Variants in MINPP1 observed in about 807,000 individuals in gnomAD.
MINPP1 encodes multiple inositol-polyphosphate phosphatase 1.
MINPP1 carries 28 observed loss-of-function variants against 46.1 expected under a neutral mutation model. The ratio of observed to expected loss-of-function variants is 0.61; its 90% CI spans 0.45 to 0.83. The LOEUF is 0.83. Ranked by LOEUF, MINPP1 falls within the 40% of genes least tolerant of loss-of-function variation. The pLI is 0.00. For missense variants in MINPP1, 603 were observed against 610.0 expected (o/e 0.99, Z 0.12); for synonymous variants, 268 against 249.1 (o/e 1.08, Z -0.72).
intron 4 of MINPP1, among the ~76,000 whole-genome samples, chr10:87,551,693 C>T (rs530160827): frequency 4.6e-5 from 7 of 152,202 alleles, no homozygotes; most frequent in African/African-American, 1.7e-4. Context: ...TTCAAAAGAG[C>T]TCCATGGAGT....
chr10:87,527,210 G>C (rs10047390), intron 4 of MINPP1, among the ~76,000 whole-genome samples: 112,175 of 152,054 alleles, frequency 0.74, 42,107 homozygotes, highest in African/African-American at 0.88. Context: ...TTTGTGTTCT[G>C]TTTTATTTCC....
intron 4 of MINPP1, among the ~76,000 whole-genome samples, chr10:87,536,541 C>T (rs1473439667): frequency 6.6e-6 from 1 of 152,184 alleles, no homozygotes; most frequent in African/African-American, 2.4e-5. Context: ...ATCCAAGTTT[C>T]TTTGTGACCC....
rs1347372229 is a variant in MINPP1, at chr10:87,504,955, G to C, written c.40G>C (p.Ala14Pro). The C allele has an allele frequency of 1.9e-6, 3 of 1,611,828 alleles. No individual in the cohort carries two copies. The highest frequency in any genetic ancestry group is 2.5e-6 in the Non-Finnish European group (3 of 1,179,468). ...APGCLLRTSV[A>P]PAAALAAALL... ...CGGCTGCCTCCTCCGGACCTCCGTAGCGCCTGCCGCGGCCCTGGCTGCGGC... is the reference window on the plus strand; with the variant it reads ...CGGCTGCCTCCTCCGGACCTCCGTACCGCCTGCCGCGGCCCTGGCTGCGGC... Residue 14 changes from alanine to proline, a missense_variant, in exon 1 of 5, where the codon GCG becomes CCG. Physicochemically the swap from Ala to Pro is conservative, Grantham distance 27. Around this residue, in one of 3 missense-constraint regions of MINPP1, gnomAD observed 239 missense variants for 189.4 expected, o/e 1.26. Transcript: ENST00000371996.
rs950518204 is a variant in MINPP1, at chr10:87,505,817, G to C, written c.637+265G>C. 8.5e-5 allele frequency among the ~76,000 whole-genome samples: 13 copies of C among 152,100 alleles called. No individual in the cohort carries two copies. The highest frequency in any genetic ancestry group is 1.9e-4 in the East Asian group (1 of 5,188). On this transcript the variant is annotated intron_variant, in intron 1 of 4. Transcript: ENST00000371996. This position sits in a 1 kb window ranked among gnomAD's most constrained non-coding sequence, Gnocchi z 4.4. ...ACTCGCTGCCTGCTTTAGTAGAGTT[G>C]GGGATCCAACAGGAAAGGGGACAGA...
chr10:87,508,501 C>T lies in MINPP1; in HGVS notation c.803C>T (p.Thr268Ile). ...AACATTTTAAAAAAAGTTGCAGCTA[C>T]TTTGCAAGTGCCAGTAAATGATTTA... ...MQNILKKVAA[T>I]LQVPVNDLNA... Residue 268 changes from threonine (T) to isoleucine (I), a missense_variant, in exon 2 of 5, where the codon ACT (threonine) becomes ATT (isoleucine). Physicochemically the swap from Thr to Ile is moderately conservative, Grantham distance 89. Transcript: ENST00000371996. 3 of 1,613,740 alleles carry T rather than the reference C, an allele frequency of 1.9e-6. No individual in the cohort carries two copies. Among genetic ancestry groups the T allele is most frequent in the Non-Finnish European group, 2.5e-6 (3 of 1,179,770 alleles).
chr10:87,515,532 G>A (rs1851401214), intron 3 of MINPP1, among the ~76,000 whole-genome samples: 1 of 152,030 alleles, frequency 6.6e-6, no homozygotes, highest in South Asian at 2.1e-4. Context: ...TAAAAATTAA[G>A]GTTGTCTTTT....
At chr10:87,510,812 A>T (rs893472024) in intron 2 of MINPP1, among the ~76,000 whole-genome samples, 1 of 152,248 alleles carries the variant, frequency 6.6e-6, no homozygotes, top group Non-Finnish European at 1.5e-5. Context: ...TTTAAAGATA[A>T]ATAGGTGAAA....
chr10:87,540,252 C>T (rs955527640), intron 4 of MINPP1, among the ~76,000 whole-genome samples: 1 of 152,172 alleles, frequency 6.6e-6, no homozygotes, highest in Non-Finnish European at 1.5e-5. Context: ...ATGGTAGTGA[C>T]AAAGCCACAT....
intron 3 of MINPP1, among the ~76,000 whole-genome samples, chr10:87,517,427 T>A (rs1851427268): frequency 6.6e-6 from 1 of 152,156 alleles, no homozygotes; most frequent in Non-Finnish European, 1.5e-5. Flanking sequence ...GGCGATTAAG[T>A]CATTGTATTA....
intron 4 of MINPP1, among the ~76,000 whole-genome samples, chr10:87,537,684 G>A (rs1281665496): frequency 6.6e-6 from 1 of 151,960 alleles, no homozygotes; most frequent in East Asian, 1.9e-4. Flanking sequence ...ATTTCACCCT[G>A]AGTATTTATA....
In MINPP1 at chr10:87,552,091, A is replaced by G; in HGVS notation, c.1077A>G (p.Pro359=). ...KAVEQKQRSQ[P]ISSPVILQFG... is the part of the protein sequence containing the mutation. ...TAATTTCTATTTGAAGGTCTCAGCC[A>G]ATTTCTTCTCCAGTCATCCTCCAGT... The change falls in exon 5 of 5, where the codon CCA becomes CCG. Residue 359 remains proline, a synonymous_variant. Coordinates refer to ENST00000371996, the MANE Select transcript of MINPP1 (RefSeq NM_004897.5). 10 of 1,612,130 alleles carry G rather than the reference A, an allele frequency of 6.2e-6. No homozygotes were observed. The highest frequency in any genetic ancestry group is 8.5e-6 in the Non-Finnish European group (10 of 1,178,890).
chr10:87,530,629 C>A (rs1056705204), intron 4 of MINPP1, among the ~76,000 whole-genome samples: 29 of 152,188 alleles, frequency 1.9e-4, no homozygotes, highest in African/African-American at 6.8e-4. Flanking sequence ...GGTGCCCCCC[C>A]AGTTAGGCTA....
In MINPP1 at chr10:87,505,846, G is replaced by A. The variant is rs186877739; in HGVS notation, c.637+294G>A. On this transcript the variant is annotated intron_variant, in intron 1 of 4. Transcript: ENST00000371996. The surrounding 1 kb of genome is among the most constrained non-coding windows in gnomAD (Gnocchi z 4.4). ...ATCCAACAGGAAAGGGGACAGACGA[G>A]GTCTCCCGCAATTTTTGCGCTCCCG... Among the ~76,000 whole-genome samples, 5 of 152,244 alleles carry A rather than the reference G, an allele frequency of 3.3e-5. No individual in the cohort carries two copies. The highest frequency in any genetic ancestry group is 7.4e-5 in the Non-Finnish European group (5 of 68,006).
At chr10:87,507,254 T>A (rs1037638988) in intron 1 of MINPP1, among the ~76,000 whole-genome samples, 1 of 152,230 alleles carries the variant, frequency 6.6e-6, no homozygotes, top group Non-Finnish European at 1.5e-5. Flanking sequence ...GTCTGCTGAA[T>A]TAGATTTGTA....
chr10:87,551,265 T>C (rs1226675828), intron 4 of MINPP1, among the ~76,000 whole-genome samples: 3 of 152,050 alleles, frequency 2.0e-5, no homozygotes, highest in Non-Finnish European at 4.4e-5. Flanking sequence ...ATGCACTAAA[T>C]TGATAACCTG....
chr10:87,528,032 TCTGTGGGATTGGTGG>T (rs1398188388), intron 4 of MINPP1, among the ~76,000 whole-genome samples: 6 of 152,224 alleles, frequency 3.9e-5, no homozygotes, highest in African/African-American at 1.4e-4. Context: ...TAGTTATATT[TCTGTGGGATTGGTGG>T]TGATATCCCC....
intron 4 of MINPP1, among the ~76,000 whole-genome samples, chr10:87,524,913 A>T (rs1456683708): frequency 6.6e-6 from 1 of 152,226 alleles, no homozygotes; most frequent in East Asian, 1.9e-4. Flanking sequence ...TATAATAATC[A>T]TAGTAATAAT....
chr10:87,511,105 G>T (rs1257685968), intron 2 of MINPP1, among the ~76,000 whole-genome samples: 1 of 152,146 alleles, frequency 6.6e-6, no homozygotes, highest in African/African-American at 2.4e-5. Flanking sequence ...TCATAATTTT[G>T]TTCATTTTCT....
chr10:87,546,295 A>G (rs1038562329), intron 4 of MINPP1, among the ~76,000 whole-genome samples: 1 of 152,108 alleles, frequency 6.6e-6, no homozygotes, highest in African/African-American at 2.4e-5. Flanking sequence ...GCATCTGTAA[A>G]CTGTCACGGC....
Sources: gnomAD v4.1 joint callset for allele counts (sites outside exome capture counted in the v4.1 genomes callset) on GRCh38, gnomAD v4.1.1 for gene constraint, gnomAD v4.1.1 regional missense constraint, Gnocchi (gnomAD v3.1) non-coding constraint, MANE v1.5 for transcripts, NCBI Gene and HGNC (gene_info 2026-07-23, HGNC 2026-07-21) for gene names.